Variants in OSBPL10 observed in about 807,000 individuals in gnomAD.
OSBPL10 encodes the protein oxysterol-binding protein-related protein 10.
In OSBPL10, 49 loss-of-function variants were observed where a neutral mutation model predicts 81.7. The ratio of observed to expected loss-of-function variants is 0.60; its 90% CI spans 0.48 to 0.76. The LOEUF (loss-of-function observed/expected upper bound fraction) is 0.76. OSBPL10 is among the 30% of genes least tolerant of loss of function. OSBPL10 has a pLI of 0.00. For synonymous variants in OSBPL10, 419 were observed against 383.6 expected, an observed-to-expected ratio of 1.09 and a Z score of -1.08; for missense variants, 923 against 987.8, an observed-to-expected ratio of 0.93 and a Z score of 0.88.
intron 6 of OSBPL10, among the ~76,000 whole-genome samples, chr3:31,713,353 T>C (rs1032111490): frequency 6.6e-6 from 1 of 152,124 alleles, no homozygotes; most frequent in African/African-American, 2.4e-5. Flanking sequence ...TCTTCATCCA[T>C]ATCCCCCTCA....
intron 8 of OSBPL10, among the ~76,000 whole-genome samples, chr3:31,683,326 C>A (rs1467616845): frequency 6.6e-6 from 1 of 152,122 alleles, no homozygotes; most frequent in Non-Finnish European, 1.5e-5. Context: ...TATATTCATG[C>A]AAAGCTGAAA....
intron 4 of OSBPL10, among the ~76,000 whole-genome samples, chr3:31,786,786 T>C (rs1698871599): frequency 6.6e-6 from 1 of 152,206 alleles, no homozygotes; most frequent in South Asian, 2.1e-4. Context: ...TCTTAAGTCT[T>C]TGTTCCATTT....
intron 1 of OSBPL10, among the ~76,000 whole-genome samples, chr3:32,061,695 G>A (rs1459226831): frequency 2.1e-5 from 2 of 93,272 alleles, no homozygotes; most frequent in Admixed American, 1.3e-4. Context: ...GAGTACAGTG[G>A]CACAATGATC....
intron 5 of OSBPL10, among the ~76,000 whole-genome samples, chr3:31,736,098 T>C (rs1697163795): frequency 6.6e-6 from 1 of 152,166 alleles, no homozygotes; most frequent in Non-Finnish European, 1.5e-5. Flanking sequence ...GAATGGTGGT[T>C]GCTGAGGGTT....
chr3:31,996,042 CTG>C lies in OSBPL10; in HGVS notation n.298+50447_298+50448del, dbSNP rs1230428246. On this transcript the variant is annotated intron_variant and non_coding_transcript_variant, in intron 2 of 3. Coordinates refer to the OSBPL10 transcript ENST00000479173. ...AAAAAAGGAGACTCCCAGGGTCACA[CTG>C]TGAGCTGGAGGTAGAATTGGGGCTG... Among the ~76,000 whole-genome samples the C allele has an allele frequency of 2.0e-5, 3 of 152,302 alleles. No individual in the cohort carries two copies. The East Asian group carries it at 5.8e-4, about 29-fold the overall frequency.
At chr3:31,853,927 A>G (rs1471918038) in intron 3 of OSBPL10, among the ~76,000 whole-genome samples, 2 of 152,230 alleles carry the variant, frequency 1.3e-5, no homozygotes, top group African/African-American at 4.8e-5. Context: ...TCAGGGTTTT[A>G]TCCTCATTGC....
chr3:31,807,442 G>C (rs976723675), intron 4 of OSBPL10, among the ~76,000 whole-genome samples: 2 of 151,222 alleles, frequency 1.3e-5, no homozygotes, highest in African/African-American at 4.9e-5. Flanking sequence ...ATATATGGTG[G>C]GTGTCAAGGG....
chr3:32,021,656 C>T (rs1699364947), intron 2 of OSBPL10, among the ~76,000 whole-genome samples: 1 of 152,042 alleles, frequency 6.6e-6, no homozygotes, highest in African/African-American at 2.4e-5. Context: ...CTCTTCAAAT[C>T]CATTGCCCAT....
At chr3:31,905,424 A>G (rs914104861) in intron 1 of OSBPL10, among the ~76,000 whole-genome samples, 1 of 141,500 alleles carries the variant, frequency 7.1e-6, no homozygotes, top group African/African-American at 2.7e-5. Flanking sequence ...ATCTTGGCTC[A>G]CTGCAACCTC....
At chr3:32,036,358 T>C (rs1575089955) in intron 2 of OSBPL10, among the ~76,000 whole-genome samples, 1 of 152,130 alleles carries the variant, frequency 6.6e-6, no homozygotes, top group African/African-American at 2.4e-5. Flanking sequence ...AAAAAAAATT[T>C]AAGAGAAAAA....
chr3:31,709,242 G>T, intron 6 of OSBPL10: 1 of 163,194 alleles, frequency 6.1e-6, no homozygotes, highest in Non-Finnish European at 1.3e-5. Context: ...GGATGAGCTG[G>T]CTGGCTGGCT....
chr3:31,897,978 A>G (rs1696105400), intron 1 of OSBPL10, among the ~76,000 whole-genome samples: 1 of 137,636 alleles, frequency 7.3e-6, no homozygotes, highest in Admixed American at 8.2e-5. Context: ...ACTGCACCCC[A>G]GCTTGGGTGA....
intron 3 of OSBPL10, 90 bp downstream of exon 3, chr3:31,876,343 T>G (rs1701469317): frequency 8.6e-7 from 1 of 1,159,540 alleles, no homozygotes; most frequent in Admixed American, 1.8e-5. Context: ...AAAAATAACA[T>G]GAAAAACACC....
intron 4 of OSBPL10, among the ~76,000 whole-genome samples, chr3:31,815,253 G>A (rs562285930): frequency 3.8e-4 from 58 of 151,434 alleles, no homozygotes; most frequent in South Asian, 8.4e-4. Context: ...AATTCCACAG[G>A]AAACCCCAGA....
intron 1 of OSBPL10, among the ~76,000 whole-genome samples, chr3:31,929,850 C>T (rs1244778547): frequency 1.3e-5 from 2 of 151,614 alleles, no homozygotes; most frequent in African/African-American, 2.4e-5. Flanking sequence ...CCATAGTTCA[C>T]AGGCTGGGCA....
chr3:31,959,563 A>G (rs1475307450), intron 1 of OSBPL10, among the ~76,000 whole-genome samples: 1 of 152,210 alleles, frequency 6.6e-6, no homozygotes, highest in East Asian at 1.9e-4. Context: ...AAGCCAGAAC[A>G]TCAGATGAGT....
chr3:31,686,694 G>T (rs1700800411), intron 7 of OSBPL10, among the ~76,000 whole-genome samples: 1 of 152,132 alleles, frequency 6.6e-6, no homozygotes, highest in South Asian at 2.1e-4. Context: ...AAAAAATTGA[G>T]AATCTGGCTG....
intron 3 of OSBPL10, among the ~76,000 whole-genome samples, chr3:31,862,229 A>T (rs1701072870): frequency 6.6e-6 from 1 of 152,220 alleles, no homozygotes; most frequent in Non-Finnish European, 1.5e-5. Flanking sequence ...TTTGATGGGA[A>T]TGCTGACAGG....
intron 3 of OSBPL10, among the ~76,000 whole-genome samples, chr3:31,833,817 C>A (rs1196110868): frequency 1.3e-5 from 2 of 151,964 alleles, no homozygotes; most frequent in Non-Finnish European, 2.9e-5. Flanking sequence ...CAATAGACAC[C>A]TTTGCCTGTA....
Sources: gnomAD v4.1 joint callset for allele counts (sites outside exome capture counted in the v4.1 genomes callset) on GRCh38, gnomAD v4.1.1 for gene constraint, MANE v1.5 for transcripts, NCBI Gene and HGNC (gene_info 2026-07-23, HGNC 2026-07-21) for gene names.